The following CALD1 variants were observed in gnomAD, a reference collection of about 807,000 sequenced individuals.
CALD1 encodes caldesmon 1, also known as caldesmon.
In CALD1, 33 loss-of-function variants were observed where a neutral mutation model predicts 99.9. That is an observed-to-expected ratio of 0.33 (90% CI 0.25 to 0.44). The LOEUF (loss-of-function observed/expected upper bound fraction) is 0.44, where lower values mean the gene tolerates loss of function less well. Ranked by LOEUF, CALD1 falls within the 20% of genes least tolerant of loss-of-function variation. The probability of loss-of-function intolerance (pLI) is 1.00; values close to 1 mark genes in which losing one functional copy is unlikely to be tolerated. For missense variants in CALD1, 861 were observed against 962.1 expected (o/e 0.89, Z 1.39); for synonymous variants, 310 against 325.0 (o/e 0.95, Z 0.50).
chr7:134,920,334 A>T (rs1804519755), intron 3 of CALD1, among the ~76,000 whole-genome samples: 1 of 126,082 alleles, frequency 7.9e-6, no homozygotes, highest in South Asian at 2.8e-4. Context: ...TTTGCCTCCA[A>T]ATAGTTGATA....
At chr7:134,835,920 C>T (rs1030716266) in intron 1 of CALD1, among the ~76,000 whole-genome samples, 22 of 151,880 alleles carry the variant, frequency 1.4e-4, no homozygotes, top group Admixed American at 1.1e-3. Flanking sequence ...CCGAGTCAGG[C>T]GGATCACCTG....
intron 3 of CALD1, among the ~76,000 whole-genome samples, chr7:134,872,595 G>C (rs892822783): frequency 6.6e-6 from 1 of 152,124 alleles, no homozygotes; most frequent in Non-Finnish European, 1.5e-5. Context: ...ATAGGAATCA[G>C]TGGTCACCAG....
chr7:134,924,394 A>G (rs1804836445), intron 3 of CALD1, among the ~76,000 whole-genome samples: 1 of 152,210 alleles, frequency 6.6e-6, no homozygotes, highest in Non-Finnish European at 1.5e-5. Context: ...GGAAGAAAAA[A>G]TAATAAACCT....
intron 1 of CALD1, among the ~76,000 whole-genome samples, chr7:134,805,035 T>A (rs1798083515): frequency 6.6e-6 from 1 of 152,202 alleles, no homozygotes; most frequent in Non-Finnish European, 1.5e-5. Context: ...GATGAAATCA[T>A]AGAAGTAGAA....
chr7:134,763,265 T>C (rs770904149), intron 1 of CALD1, among the ~76,000 whole-genome samples: 4 of 152,210 alleles, frequency 2.6e-5, no homozygotes, highest in Admixed American at 1.3e-4. Context: ...AATATTCAAC[T>C]AAGCATAATA....
At chr7:134,919,382 G>A (rs985655585) in intron 3 of CALD1, among the ~76,000 whole-genome samples, 2 of 152,172 alleles carry the variant, frequency 1.3e-5, no homozygotes, top group East Asian at 3.9e-4. Flanking sequence ...GTAGACACAA[G>A]AAGAGGATTT....
the CALD1 span, among the ~76,000 whole-genome samples, chr7:134,719,971 C>G: frequency 2.4e-4 from 36 of 150,486 alleles, no homozygotes; most frequent in East Asian, 5.1e-3. Flanking sequence ...GTACTTTGAG[C>G]TACACAGATC....
rs974730082 is a variant in CALD1 at position 134,928,907 on chromosome 7, T to C, written c.218+7T>C. On this transcript the variant is annotated splice_region_variant and intron_variant, in intron 4 of 14. Transcript: ENST00000361675. Reference sequence around the variant, plus strand: ...AGGTGAATGCCCAGAACAGGTACTGTCCTCTTTGGGACGGGGAGTTTCTAA... The same window carrying C: ...AGGTGAATGCCCAGAACAGGTACTGCCCTCTTTGGGACGGGGAGTTTCTAA... The C allele has an allele frequency of 1.2e-6, 2 of 1,600,886 alleles. No individual in the cohort carries two copies. Among genetic ancestry groups the C allele is most frequent in the Non-Finnish European group, 8.5e-7 (1 of 1,172,510 alleles).
chr7:134,950,597 G>A (rs1331974212), intron 9 of CALD1, 83 bp downstream of exon 9: 1 of 1,089,576 alleles, frequency 9.2e-7, no homozygotes, highest in East Asian at 2.4e-5. Context: ...ATTATACAGG[G>A]CCTTTGTTCA....
intron 1 of CALD1, among the ~76,000 whole-genome samples, chr7:134,806,755 T>C (rs1798155801): frequency 6.6e-6 from 1 of 152,140 alleles, no homozygotes; most frequent in Non-Finnish European, 1.5e-5. Context: ...CCAACAATTT[T>C]TTTCTGTTAA....
intron 3 of CALD1, among the ~76,000 whole-genome samples, chr7:134,916,498 T>C (rs187953156): frequency 1.4e-4 from 21 of 152,304 alleles, no homozygotes; most frequent in Admixed American, 1.4e-3. Flanking sequence ...AGGCCTGTTA[T>C]GAAAATCTAT....
At chr7:134,737,491 TA>T in the CALD1 span, among the ~76,000 whole-genome samples, 782 of 151,872 alleles carry the variant, frequency 5.1e-3, 9 homozygotes, top group African/African-American at 0.017. Flanking sequence ...TTTAGTTCTT[TA>T]AAAAAAAATC....
chr7:134,942,135 G>A (rs780980309), intron 7 of CALD1, among the ~76,000 whole-genome samples: 17 of 152,132 alleles, frequency 1.1e-4, no homozygotes, highest in East Asian at 3.9e-4. Context: ...CAGATGTGCC[G>A]GAGAGGAGTC....
intron 1 of CALD1, among the ~76,000 whole-genome samples, chr7:134,803,956 A>G (rs962116287): frequency 6.6e-6 from 1 of 152,140 alleles, no homozygotes; most frequent in African/African-American, 2.4e-5. Flanking sequence ...TCGGCCTCCC[A>G]AAGTGTTGGG....
At chr7:134,847,758 G>T (rs569777544) in intron 2 of CALD1, among the ~76,000 whole-genome samples, 4 of 152,322 alleles carry the variant, frequency 2.6e-5, no homozygotes, top group African/African-American at 9.6e-5. Context: ...CATTGACAGA[G>T]AAAGACTGTG....
At chr7:134,807,906 G>C (rs1798208128) in intron 1 of CALD1, among the ~76,000 whole-genome samples, 1 of 152,072 alleles carries the variant, frequency 6.6e-6, no homozygotes, top group East Asian at 1.9e-4. Context: ...GGGATTACAA[G>C]CGTAAGCCAC....
At chr7:134,876,798 T>C (rs1801373463) in intron 3 of CALD1, among the ~76,000 whole-genome samples, 1 of 152,232 alleles carries the variant, frequency 6.6e-6, no homozygotes, top group Admixed American at 6.5e-5. Flanking sequence ...AAATGACTTT[T>C]CTCTCTAAAT....
At chr7:134,789,748 G>A (rs895093621) in intron 1 of CALD1, among the ~76,000 whole-genome samples, 1 of 152,074 alleles carries the variant, frequency 6.6e-6, no homozygotes, top group Non-Finnish European at 1.5e-5. Context: ...TCTCCAGGAG[G>A]TAAGACTAGG....
intron 11 of CALD1, among the ~76,000 whole-genome samples, chr7:134,958,872 A>AATATATATATATAT (rs58837080): frequency 2.7e-4 from 34 of 124,846 alleles, no homozygotes; most frequent in East Asian, 1.0e-3. Context: ...CTGGTATTTA[A>AATATATATATATAT]ATATATATAT....
Sources: allele counts gnomAD v4.1 joint callset (sites outside exome capture counted in the v4.1 genomes callset), GRCh38; gene constraint gnomAD v4.1.1; transcripts MANE v1.5; gene names NCBI Gene and HGNC (gene_info 2026-07-23, HGNC 2026-07-21).